The following BCAT1 variants were observed in gnomAD, a reference collection of about 807,000 sequenced individuals.
BCAT1 encodes the protein branched chain amino acid transaminase 1.
A neutral mutation model predicts 52.4 loss-of-function variants in BCAT1; 48 were observed. That is an observed-to-expected ratio of 0.92 (90% CI 0.73 to 1.16). The LOEUF (loss-of-function observed/expected upper bound fraction) is 1.16, where lower values mean the gene tolerates loss of function less well. Ranked by LOEUF, BCAT1 falls within the 50% of genes most tolerant of loss-of-function variation. The pLI, the probability that BCAT1 is intolerant of heterozygous loss-of-function variation, is 0.00. For missense variants in BCAT1, 451 were observed against 457.1 expected (o/e 0.99, Z 0.12); for synonymous variants, 167 against 161.3 (o/e 1.04, Z -0.27).
At chr12:24,846,311 G>A (rs934293942) in intron 6 of BCAT1, among the ~76,000 whole-genome samples, 7 of 152,152 alleles carry the variant, frequency 4.6e-5, no homozygotes, top group African/African-American at 1.7e-4. Context: ...TTTTCCCAGA[G>A]TTCTCTCACA....
At position 24,867,920 on chromosome 12, in the gene BCAT1, G is replaced by A. The variant is rs554052054; in HGVS notation, c.510+10610C>T. Among the ~76,000 whole-genome samples, 4 of 152,278 alleles carry A rather than the reference G, an allele frequency of 2.6e-5. No homozygotes were observed. The South Asian group carries it at 6.2e-4, about 24-fold the overall frequency. On this transcript the variant is annotated intron_variant, in intron 5 of 10. Transcript: ENST00000261192. ...CTCAGGAGGCTGAGGCAGGAGAATC[G>A]CTTGAACCTGGGAGACAGAGGTTGC... is the stretch of plus-strand genomic sequence containing the variant.
intron 1 of BCAT1, among the ~76,000 whole-genome samples, chr12:24,923,457 C>A (rs1441714445): frequency 6.6e-6 from 1 of 152,168 alleles, no homozygotes; most frequent in African/African-American, 2.4e-5. Context: ...CCCAGGCTCC[C>A]AGGCTGGAGT....
At chr12:24,838,548 C>A (rs150591274) in intron 7 of BCAT1, among the ~76,000 whole-genome samples, 1 of 151,764 alleles carries the variant, frequency 6.6e-6, no homozygotes, top group African/African-American at 2.4e-5. Flanking sequence ...GCCCCCAAAC[C>A]GGACCTTTCC....
At chr12:24,847,797 G>GA (rs1263709112) in intron 6 of BCAT1, among the ~76,000 whole-genome samples, 7 of 152,204 alleles carry the variant, frequency 4.6e-5, no homozygotes, top group African/African-American at 1.4e-4. Flanking sequence ...ATAGAAAGCA[G>GA]AAAGTTCTTG....
intron 5 of BCAT1, among the ~76,000 whole-genome samples, chr12:24,867,338 T>G (rs1172312306): frequency 2.2e-4 from 2 of 9,224 alleles, no homozygotes; most frequent in Admixed American, 1.7e-3. Flanking sequence ...CGAAAATATC[T>G]TTTTTTTTTT....
rs945148602 is a variant in BCAT1 at position 24,817,300 on chromosome 12, T to C, written c.*708A>G. The C allele has an allele frequency of 6.6e-6, 1 of 152,478 alleles. No homozygotes were observed. Among genetic ancestry groups the C allele is most frequent in the African/African-American group, 2.4e-5 (1 of 41,450 alleles). The allele number at this position is 152,478 out of a possible 1,614,324, so 9.4% of individuals were successfully genotyped here. ...AAAACCATTTACTGAGTACCTACTA[T>C]ATGTCAGCCATGGGGGATACAAAGA... is the stretch of plus-strand genomic sequence containing the variant. On this transcript the variant is annotated 3_prime_UTR_variant, in exon 11 of 11. Transcript: ENST00000261192.
chr12:24,874,787 T>G (rs1485527012), intron 5 of BCAT1, among the ~76,000 whole-genome samples: 1 of 152,174 alleles, frequency 6.6e-6, no homozygotes, highest in African/African-American at 2.4e-5. Flanking sequence ...CATTGTAGAA[T>G]CCTCAATGTT....
intron 10 of BCAT1, 96 bp downstream of exon 10, chr12:24,829,727 T>C (rs951221935): frequency 2.5e-5 from 25 of 1,011,208 alleles, no homozygotes; most frequent in Admixed American, 1.7e-4. Flanking sequence ...ATCCTCTTCA[T>C]TGAAATATAA....
chr12:24,948,547 C>T (rs908840274), intron 1 of BCAT1, among the ~76,000 whole-genome samples: 9 of 152,190 alleles, frequency 5.9e-5, no homozygotes, highest in Non-Finnish European at 1.2e-4. Context: ...CATTTACAGC[C>T]CGGGACATCC....
At chr12:24,882,137 G>A (rs1452481270) in intron 3 of BCAT1, among the ~76,000 whole-genome samples, 2 of 152,166 alleles carry the variant, frequency 1.3e-5, no homozygotes, top group Non-Finnish European at 2.9e-5. Context: ...ACAACAGGAA[G>A]AACAAACTTC....
chr12:24,935,770 T>C (rs1339867959), intron 1 of BCAT1, among the ~76,000 whole-genome samples: 1 of 152,208 alleles, frequency 6.6e-6, no homozygotes, highest in Admixed American at 6.5e-5. Context: ...TTCAAACAAA[T>C]TCTGCTTCCC....
At chr12:24,931,787 C>T (rs987981356) in intron 1 of BCAT1, among the ~76,000 whole-genome samples, 5 of 152,142 alleles carry the variant, frequency 3.3e-5, no homozygotes, top group Admixed American at 6.5e-5. Context: ...CTAGAGCATA[C>T]GTGCAACACA....
At chr12:24,899,334 A>T (rs2139670046) in intron 2 of BCAT1, among the ~76,000 whole-genome samples, 1 of 152,368 alleles carries the variant, frequency 6.6e-6, no homozygotes, top group East Asian at 1.9e-4. Context: ...AAATATGTCA[A>T]AAGCAACCAC....
chr12:24,948,941 C>T lies in BCAT1; in HGVS notation c.-9G>A, dbSNP rs1441590899. ...TAAGTAGTTACCTTCATTGTTCCGT[C>T]GGCCACGAGGGAAGCTCGAGCTGAG... On this transcript the variant is annotated 5_prime_UTR_variant, in exon 1 of 11. Transcript: ENST00000261192. 9 of 1,595,790 alleles carry T rather than the reference C, an allele frequency of 5.6e-6. No individual in the cohort carries two copies. Among genetic ancestry groups the T allele is most frequent in the Non-Finnish European group, 6.0e-6 (7 of 1,171,092 alleles).
chr12:24,858,581 C>T (rs1941760381), intron 5 of BCAT1, among the ~76,000 whole-genome samples: 1 of 152,208 alleles, frequency 6.6e-6, no homozygotes. Flanking sequence ...TGCCCCCTAG[C>T]TATGCTGGAA....
At chr12:24,860,375 A>C (rs1336599541) in intron 5 of BCAT1, among the ~76,000 whole-genome samples, 1 of 151,800 alleles carries the variant, frequency 6.6e-6, no homozygotes, top group Admixed American at 6.5e-5. Context: ...CCTTTGTTTC[A>C]TTTTTCAGAG....
chr12:24,839,886 T>A (rs1453755036), intron 7 of BCAT1, among the ~76,000 whole-genome samples: 1 of 152,242 alleles, frequency 6.6e-6, no homozygotes. Flanking sequence ...TGCATGTCTT[T>A]TTTTTTAGCC....
At chr12:24,821,903 G>A (rs188490724) in intron 10 of BCAT1, among the ~76,000 whole-genome samples, 22 of 152,292 alleles carry the variant, frequency 1.4e-4, no homozygotes, top group Admixed American at 1.2e-3. Context: ...GCTTCTGAAC[G>A]AGATGAGTCA....
intron 1 of BCAT1, among the ~76,000 whole-genome samples, chr12:24,928,429 A>G (rs1943626179): frequency 6.6e-6 from 1 of 152,124 alleles, no homozygotes; most frequent in African/African-American, 2.4e-5. Flanking sequence ...GTTTGAGTCC[A>G]GGAGTTTGAG....
Sources: allele counts gnomAD v4.1 joint callset (sites outside exome capture counted in the v4.1 genomes callset), GRCh38; gene constraint gnomAD v4.1.1; transcripts MANE v1.5; gene names NCBI Gene and HGNC (gene_info 2026-07-23, HGNC 2026-07-21).